The following RIT2 variants were observed in gnomAD, a reference collection of about 807,000 sequenced individuals.
The protein encoded by RIT2 is Ras like without CAAX 2.
RIT2 carries 24 observed loss-of-function variants against 23.7 expected under a neutral mutation model. That is an observed-to-expected ratio of 1.01 (90% CI 0.73 to 1.43). RIT2 has a LOEUF of 1.43. RIT2 is among the 40% of genes most tolerant of loss of function. The pLI is 0.00. For synonymous variants in RIT2, 107 were observed against 91.1 expected, an observed-to-expected ratio of 1.17 and a Z score of -0.99; for missense variants, 236 against 266.9, an observed-to-expected ratio of 0.88 and a Z score of 0.81.
At chr18:42,788,007 AT>A (rs1179368237) in intron 4 of RIT2, among the ~76,000 whole-genome samples, 1 of 151,944 alleles carries the variant, frequency 6.6e-6, no homozygotes, top group African/African-American at 2.4e-5. Flanking sequence ...TAAAATTTAA[AT>A]TATCAAATTT....
At chr18:42,869,825 T>C (rs1157930074) in intron 4 of RIT2, among the ~76,000 whole-genome samples, 1 of 152,188 alleles carries the variant, frequency 6.6e-6, no homozygotes, top group African/African-American at 2.4e-5. Context: ...TTCTTTAAAC[T>C]AGTGAATCCA....
chr18:42,785,506 A>G (rs1054159245), intron 4 of RIT2, among the ~76,000 whole-genome samples: 4 of 151,774 alleles, frequency 2.6e-5, no homozygotes, highest in Non-Finnish European at 5.9e-5. Context: ...GCTATGACTG[A>G]GAATGTTTCA....
At chr18:42,925,816 G>T (rs898004838) in intron 3 of RIT2, among the ~76,000 whole-genome samples, 6 of 151,206 alleles carry the variant, frequency 4.0e-5, no homozygotes, top group African/African-American at 1.5e-4. Flanking sequence ...AAACTCAATG[G>T]GAAACATAAT....
At chr18:42,810,785 C>T (rs1248615926) in intron 4 of RIT2, among the ~76,000 whole-genome samples, 1 of 151,978 alleles carries the variant, frequency 6.6e-6, no homozygotes, top group Admixed American at 6.6e-5. Flanking sequence ...CTCACTAATT[C>T]CAATATGAAG....
intron 4 of RIT2, among the ~76,000 whole-genome samples, chr18:42,867,631 A>T (rs1030720374): frequency 4.3e-4 from 20 of 46,730 alleles, no homozygotes; most frequent in African/African-American, 2.1e-3. Flanking sequence ...GCCAAAAATT[A>T]AAAAAAAAAA....
chr18:42,992,383 G>C (rs573665886), intron 2 of RIT2, among the ~76,000 whole-genome samples: 1 of 152,142 alleles, frequency 6.6e-6, no homozygotes, highest in East Asian at 1.9e-4. Flanking sequence ...CTGACGTCCA[G>C]GCATTCTTTT....
chr18:43,033,754 G>A, intron 2 of RIT2, 57 bp downstream of exon 2: 1 of 1,182,444 alleles, frequency 8.5e-7, no homozygotes, highest in Non-Finnish European at 1.2e-6. Flanking sequence ...TTATTTTCAA[G>A]CCACTTAGTC....
At chr18:43,083,548 C>A (rs942697936) in intron 1 of RIT2, among the ~76,000 whole-genome samples, 1 of 152,102 alleles carries the variant, frequency 6.6e-6, no homozygotes, top group Non-Finnish European at 1.5e-5. Flanking sequence ...ACCAATGGAA[C>A]AGAACAGAGG....
rs189319237 is a variant in RIT2 at position 42,954,427 on chromosome 18, T to C, written c.234+19647A>G. Among the ~76,000 whole-genome samples, 779 of 148,606 alleles carry C rather than the reference T, an allele frequency of 5.2e-3. 4 individuals are homozygous for C. The highest frequency in any genetic ancestry group is 8.7e-3 in the Non-Finnish European group (589 of 67,380). Reference sequence around the variant, plus strand: ...ATATATTAGGTTGTGGCAAACGTAATTGCTGTTTTTTCCATTAAAAGTAAT... The same window carrying C: ...ATATATTAGGTTGTGGCAAACGTAACTGCTGTTTTTTCCATTAAAAGTAAT... On this transcript the variant is annotated intron_variant, in intron 3 of 4. Coordinates refer to ENST00000326695, the MANE Select transcript of RIT2 (RefSeq NM_002930.4).
intron 2 of RIT2, among the ~76,000 whole-genome samples, chr18:42,991,456 A>C (rs1025215988): frequency 6.6e-6 from 1 of 152,182 alleles, no homozygotes; most frequent in Non-Finnish European, 1.5e-5. Context: ...TGATGTAAGC[A>C]ATATATACCA....
chr18:42,755,457 C>CT (rs1043481084), intron 4 of RIT2, among the ~76,000 whole-genome samples: 9 of 152,174 alleles, frequency 5.9e-5, no homozygotes, highest in Admixed American at 5.9e-4. Context: ...ATCACCTCCA[C>CT]TGAGACACCT....
chr18:43,075,785 T>C (rs561299245), intron 1 of RIT2, among the ~76,000 whole-genome samples: 1 of 152,288 alleles, frequency 6.6e-6, no homozygotes, highest in East Asian at 1.9e-4. Context: ...CTAAGAACCC[T>C]GTCAGTCTCA....
chr18:42,964,922 T>G (rs1910179298), intron 3 of RIT2, among the ~76,000 whole-genome samples: 1 of 152,284 alleles, frequency 6.6e-6, no homozygotes, highest in South Asian at 2.1e-4. Context: ...TTTTTGGGAG[T>G]AGCCCTCCTG....
At chr18:42,965,341 A>T (rs537734863) in intron 3 of RIT2, among the ~76,000 whole-genome samples, 2 of 152,286 alleles carry the variant, frequency 1.3e-5, no homozygotes, top group South Asian at 4.1e-4. Flanking sequence ...TCAGATGTGA[A>T]AAAAAGAGGT....
Position 42,993,914 on chromosome 18 carries a change from T to C in RIT2, c.161-19767A>G, listed in dbSNP as rs371769040. Among the ~76,000 whole-genome samples, 134 of 152,246 alleles carry C rather than the reference T, an allele frequency of 8.8e-4. 1 individual carries two copies. Among genetic ancestry groups the C allele is most frequent in the African/African-American group, 3.0e-3 (124 of 41,544 alleles). On this transcript the variant is annotated intron_variant, in intron 2 of 4. Transcript: ENST00000326695. The stretch of plus-strand genomic sequence containing the variant: ...AAAAGGATTAAAGCCTGTTATCACT[T>C]GTCTGTTACAGCATGGACTTTTAAA...
chr18:43,036,774 T>C lies in RIT2; in HGVS notation c.104-2907A>G, dbSNP rs1911990789. Among the ~76,000 whole-genome samples the C allele has an allele frequency of 2.0e-5, 3 of 152,190 alleles. No individual in the cohort carries two copies. The South Asian group carries it at 6.2e-4, about 31-fold the overall frequency. Reference sequence around the variant, plus strand: ...AGATAATTTTAGAAAGATTGATTTGTATAAGTTTCTTTTGTGTTTTACAAA... The same window carrying C: ...AGATAATTTTAGAAAGATTGATTTGCATAAGTTTCTTTTGTGTTTTACAAA... On this transcript the variant is annotated intron_variant, in intron 1 of 4. Coordinates refer to ENST00000326695, the MANE Select transcript of RIT2 (RefSeq NM_002930.4).
intron 3 of RIT2, among the ~76,000 whole-genome samples, chr18:42,924,500 T>G (rs931977304): frequency 2.0e-5 from 3 of 152,100 alleles, no homozygotes; most frequent in Admixed American, 2.0e-4. Context: ...GAATTACAAT[T>G]TGGAAACTTC....
chr18:42,929,491 G>A (rs1448795916), intron 3 of RIT2, among the ~76,000 whole-genome samples: 1 of 152,086 alleles, frequency 6.6e-6, no homozygotes, highest in Non-Finnish European at 1.5e-5. Context: ...AATCTTTTTA[G>A]TTTAGTTGTT....
chr18:42,791,173 T>G (rs760210764), intron 4 of RIT2, among the ~76,000 whole-genome samples: 1 of 152,228 alleles, frequency 6.6e-6, no homozygotes, highest in African/African-American at 2.4e-5. Context: ...TGAATTAATA[T>G]AGTCATATAA....
Sources: allele counts gnomAD v4.1 joint callset (sites outside exome capture counted in the v4.1 genomes callset), GRCh38; gene constraint gnomAD v4.1.1; transcripts MANE v1.5; gene names NCBI Gene and HGNC (gene_info 2026-07-23, HGNC 2026-07-21).